COBL: variants seen among roughly 807,000 people sequenced by gnomAD.
COBL encodes cordon-bleu WH2 repeat protein.
COBL carries 51 observed loss-of-function variants against 98.8 expected under a neutral mutation model. That is an observed-to-expected ratio of 0.52 (90% CI 0.41 to 0.65). The LOEUF (loss-of-function observed/expected upper bound fraction) is 0.65. Ranked by LOEUF, COBL falls within the 30% of genes least tolerant of loss-of-function variation. The pLI is 0.00. For synonymous variants in COBL, 634 were observed against 651.7 expected (o/e 0.97, Z 0.41); for missense variants, 1,617 against 1,617.5 (o/e 1.00, Z 0.01).
At chr7:51,185,106 C>T (rs1789368358) in intron 4 of COBL, among the ~76,000 whole-genome samples, 1 of 152,202 alleles carries the variant, frequency 6.6e-6, no homozygotes, top group Non-Finnish European at 1.5e-5. Context: ...GATTCTAGAG[C>T]CAGGTTGGAA....
intron 1 of COBL, among the ~76,000 whole-genome samples, chr7:51,263,099 A>G (rs1423417661): frequency 6.6e-6 from 1 of 152,188 alleles, no homozygotes; most frequent in Non-Finnish European, 1.5e-5. Flanking sequence ...ATTAATACAA[A>G]GTGGTGGTGT....
intron 5 of COBL, among the ~76,000 whole-genome samples, chr7:51,174,065 T>C (rs1788128930): frequency 6.6e-6 from 1 of 152,170 alleles, no homozygotes; most frequent in African/African-American, 2.4e-5. Context: ...CATCACAGGA[T>C]TTTACAAATT....
intron 1 of COBL, among the ~76,000 whole-genome samples, chr7:51,245,181 C>T (rs540054302): frequency 2.2e-4 from 33 of 152,268 alleles, no homozygotes; most frequent in African/African-American, 5.1e-4. Context: ...GCCTCCCACA[C>T]GCCCTTCTCC....
chr7:51,092,477 C>T (rs1794904531), intron 6 of COBL, among the ~76,000 whole-genome samples: 1 of 152,124 alleles, frequency 6.6e-6, no homozygotes, highest in African/African-American at 2.4e-5. Flanking sequence ...AAATAAGGCC[C>T]CAATTTCATT....
At chr7:51,113,558 T>C (rs1213319756) in intron 6 of COBL, among the ~76,000 whole-genome samples, 1 of 152,218 alleles carries the variant, frequency 6.6e-6, no homozygotes, top group Non-Finnish European at 1.5e-5. Flanking sequence ...ATTTATTCCT[T>C]GGCAAATGTA....
intron 2 of COBL, among the ~76,000 whole-genome samples, chr7:51,202,362 T>C (rs1481121335): frequency 6.6e-6 from 1 of 152,236 alleles, no homozygotes; most frequent in Non-Finnish European, 1.5e-5. Flanking sequence ...ATGATAACTA[T>C]TATAACAATA....
At chr7:51,182,026 T>C (rs948379621) in intron 5 of COBL, among the ~76,000 whole-genome samples, 6 of 152,198 alleles carry the variant, frequency 3.9e-5, no homozygotes, top group Admixed American at 1.3e-4. Context: ...AAAGTCTTTC[T>C]AGATTTTTTA....
intron 6 of COBL, among the ~76,000 whole-genome samples, chr7:51,109,338 C>A (rs1021523332): frequency 2.6e-5 from 4 of 152,204 alleles, no homozygotes; most frequent in Admixed American, 1.3e-4. Flanking sequence ...CAGTGCGGTT[C>A]CTGTAGACAT....
intron 2 of COBL, among the ~76,000 whole-genome samples, chr7:51,208,625 G>C (rs1016138982): frequency 2.0e-5 from 3 of 152,366 alleles, no homozygotes; most frequent in African/African-American, 7.2e-5. Flanking sequence ...GGAAAGCGGG[G>C]AAAGGTGGGG....
rs371637890 is a variant in COBL at position 51,268,466 on chromosome 7, C to A, written c.41+48127G>T. Among the ~76,000 whole-genome samples, 75 of 152,268 alleles carry A rather than the reference C, an allele frequency of 4.9e-4. No individual in the cohort carries two copies. The South Asian group carries it at 0.015, about 30-fold the overall frequency. On this transcript the variant is annotated intron_variant, in intron 1 of 12. Coordinates refer to ENST00000265136, the MANE Select transcript of COBL (RefSeq NM_015198.5). ...TTCCTCCTCAAAAAGTCTTTCCTAC[C>A]ACCCTTCCTGCAACGCAGATGAACG... is the stretch of plus-strand genomic sequence containing the variant.
chr7:51,091,030 G>C (rs1337383301), intron 6 of COBL, among the ~76,000 whole-genome samples: 1 of 152,204 alleles, frequency 6.6e-6, no homozygotes, highest in Non-Finnish European at 1.5e-5. Context: ...AGAATCTCTA[G>C]CTGAGCTGAC....
intron 7 of COBL, among the ~76,000 whole-genome samples, chr7:51,051,627 G>A (rs912505395): frequency 6.6e-6 from 1 of 152,186 alleles, no homozygotes; most frequent in Non-Finnish European, 1.5e-5. Context: ...GGGTATCAGC[G>A]ATGGTACGGA....
At position 51,029,348 on chromosome 7, in the gene COBL, T is replaced by C. The variant is rs1477034789; in HGVS notation, c.1748A>G (p.Gln583Arg). 1.2e-6 allele frequency: 2 copies of C among 1,605,204 alleles called. No homozygotes were observed. Among genetic ancestry groups the C allele is most frequent in the Non-Finnish European group, 8.5e-7 (1 of 1,174,502 alleles). Residue 583 changes from glutamine to arginine, a missense_variant, in exon 10 of 13, where the codon CAA (glutamine) becomes CGA (arginine). Physicochemically the swap from Gln to Arg is conservative, Grantham distance 43 (BLOSUM62 1). This residue lies in a region of COBL where 1,304 missense variants were observed against 1,282.0 expected (regional missense o/e 1.02). Coordinates refer to ENST00000265136, the MANE Select transcript of COBL (RefSeq NM_015198.5). ...TTCATGGGGCTGGCTGTGCTCAGCT[T>C]GAAGTGGCGCCAGGGAGTCTCTCCT... Reference protein sequence around the residue: ...ASRRDSLAPLQAEHSQPHEKA... With the variant: ...ASRRDSLAPLRAEHSQPHEKA...
At chr7:51,036,402 C>T (rs982191948) in intron 8 of COBL, among the ~76,000 whole-genome samples, 15 of 147,128 alleles carry the variant, frequency 1.0e-4, no homozygotes, top group Non-Finnish European at 1.9e-4. Flanking sequence ...CACTCTTACA[C>T]AGTCATGAGC....
intron 5 of COBL, among the ~76,000 whole-genome samples, chr7:51,170,032 T>C (rs1787697828): frequency 6.6e-6 from 1 of 152,136 alleles, no homozygotes; most frequent in African/African-American, 2.4e-5. Flanking sequence ...CATTATCACA[T>C]TTGGATTTTT....
intron 6 of COBL, among the ~76,000 whole-genome samples, chr7:51,098,257 T>C (rs1281993857): frequency 3.1e-5 from 4 of 131,092 alleles, no homozygotes; most frequent in South Asian, 2.3e-4. Context: ...GAAAAACAAA[T>C]CCTAAAGGTC....
At chr7:51,188,214 G>A (rs1789737730) in intron 4 of COBL, among the ~76,000 whole-genome samples, 1 of 152,250 alleles carries the variant, frequency 6.6e-6, no homozygotes, top group Admixed American at 6.5e-5. Context: ...GGGGATTCCA[G>A]GGGAGGGCAG....
chr7:51,029,320 CT>C lies in COBL; in HGVS notation c.1775del (p.Lys592ArgfsTer33). On this transcript the variant is annotated frameshift_variant, in exon 10 of 13. Coordinates refer to ENST00000265136, the MANE Select transcript of COBL (RefSeq NM_015198.5). LOFTEE classifies it high-confidence loss of function. ...LQAEHSQPHEKAREEVPALHP... is the reference protein window; with the variant it reads ...LQAEHSQPHEXAREEVPALHP... Reference sequence around the variant, plus strand: ...GCAGGGCAGGTACTTCCTCCCTTGCCTTTTCATGGGGCTGGCTGTGCTCAGC... The same window carrying C: ...GCAGGGCAGGTACTTCCTCCCTTGCCTTTCATGGGGCTGGCTGTGCTCAGC... 2.5e-6 allele frequency: 4 copies of C among 1,601,266 alleles called. No homozygotes were observed. Among genetic ancestry groups the C allele is most frequent in the Non-Finnish European group, 3.4e-6 (4 of 1,172,648 alleles).
At chr7:51,067,358 A>G (rs1009834093) in intron 7 of COBL, among the ~76,000 whole-genome samples, 1 of 152,276 alleles carries the variant, frequency 6.6e-6, no homozygotes, top group African/African-American at 2.4e-5. Flanking sequence ...ATATGTATGC[A>G]TGTGTATATA....
Sources: allele counts gnomAD v4.1 joint callset (sites outside exome capture counted in the v4.1 genomes callset), GRCh38; gene constraint gnomAD v4.1.1; regional missense constraint gnomAD v4.1.1; transcripts MANE v1.5; gene names NCBI Gene and HGNC (gene_info 2026-07-23, HGNC 2026-07-21).